CACNA1I: variants seen among roughly 807,000 people sequenced by gnomAD.
CACNA1I encodes voltage-dependent T-type calcium channel subunit alpha-1I.
In CACNA1I, 74 loss-of-function variants were observed where a neutral mutation model predicts 201.6. That is an observed-to-expected ratio of 0.37 (90% CI 0.30 to 0.45). CACNA1I has a LOEUF of 0.45. Ranked by LOEUF, CACNA1I falls within the 20% of genes least tolerant of loss-of-function variation. CACNA1I has a pLI of 1.00. For synonymous variants in CACNA1I, 1,431 were observed against 1,345.2 expected, an observed-to-expected ratio of 1.06 and a Z score of -1.40; for missense variants, 2,346 against 3,138.1, an observed-to-expected ratio of 0.75 and a Z score of 6.03.
Position 39,682,552 on chromosome 22 carries a change from C to G in CACNA1I, c.5721C>G (p.Phe1907Leu). ...MRVGDLGECF[F>L]PLSSTAVSPD... is the part of the protein sequence containing the mutation. ...TGGGAGACCTGGGCGAATGCTTCTT[C>G]CCCTTGTCCTCTACGGCCGTCTCGC... is the stretch of plus-strand genomic sequence containing the variant. The change falls in exon 35 of 37, where the codon TTC becomes TTG. Residue 1907 changes from phenylalanine (F) to leucine (L), a missense_variant. Phe to Leu is a conservative substitution (Grantham distance 22, BLOSUM62 0). Transcript: ENST00000402142. 1 of 1,613,808 alleles carries G rather than the reference C, an allele frequency of 6.2e-7. No individual in the cohort carries two copies. The highest frequency in any genetic ancestry group is 2.2e-5 in the East Asian group (1 of 44,870).
chr22:39,597,008 C>G (rs1329438518), intron 1 of CACNA1I, among the ~76,000 whole-genome samples: 1 of 152,174 alleles, frequency 6.6e-6, no homozygotes, highest in Non-Finnish European at 1.5e-5. Flanking sequence ...AGAACCTACT[C>G]CCGACTCCAG....
At chr22:39,597,726 C>A (rs1932922783) in intron 1 of CACNA1I, among the ~76,000 whole-genome samples, 2 of 152,320 alleles carry the variant, frequency 1.3e-5, no homozygotes, top group Middle Eastern at 3.4e-3. Context: ...CAGACCCAGA[C>A]CTTGGCAGAG....
chr22:39,673,770 CAT>C (rs1406107804), intron 28 of CACNA1I, among the ~76,000 whole-genome samples, 191 bp from the exon 29 acceptor site: 3 of 152,234 alleles, frequency 2.0e-5, no homozygotes, highest in South Asian at 2.1e-4. Flanking sequence ...CTTGTGTCCA[CAT>C]GTTTTTGTGC....
intron 23 of CACNA1I, 22 bp from the exon 24 acceptor site, chr22:39,668,270 T>A: frequency 6.5e-7 from 1 of 1,537,114 alleles, no homozygotes; most frequent in Non-Finnish European, 9.0e-7. Flanking sequence ...ACCCCTGCAT[T>A]CCGCCTCCCC....
Position 39,646,795 on chromosome 22 carries a change from C to A in CACNA1I, c.1376C>A (p.Ala459Asp), listed in dbSNP as rs1406751524. The change falls in exon 8 of 37, where the codon GCC becomes GAC. Residue 459 changes from alanine (A) to aspartate (D), a missense_variant. Physicochemically the swap from Ala to Asp is moderately radical, Grantham distance 126. Transcript: ENST00000402142. ...CGCCGCGCCCTGGGCCTCTACCAGG[C>A]CCTGCAGAGCCGGCGCCAGGCCCTG... Reference protein sequence around the residue: ...AKRRALGLYQALQSRRQALGP... With the variant: ...AKRRALGLYQDLQSRRQALGP... 6.4e-7 allele frequency: 1 copy of A among 1,561,330 alleles called. No individual in the cohort carries two copies. The highest frequency in any genetic ancestry group is 1.9e-5 in the Admixed American group (1 of 52,662).
chr22:39,678,039 G>A lies in CACNA1I; in HGVS notation c.4986G>A (p.Glu1662=). The part of the protein sequence containing the change: ...CEGMSRHATF[E]NFGMAFLTLF... ...GCATGAGCCGGCATGCCACCTTCGA[G>A]AACTTCGGCATGGCCTTCCTCACAC... The change falls in exon 31 of 37, where the codon GAG becomes GAA. Residue 1662 remains glutamate, a synonymous_variant. Coordinates refer to ENST00000402142, the MANE Select transcript of CACNA1I (RefSeq NM_021096.4). 1 of 1,606,144 alleles carries A rather than the reference G, an allele frequency of 6.2e-7. No homozygotes were observed. Among genetic ancestry groups the A allele is most frequent in the Non-Finnish European group, 8.5e-7 (1 of 1,176,522 alleles).
Position 39,648,453 on chromosome 22 carries a change from G to A in CACNA1I, c.1567+527G>A, listed in dbSNP as rs553362891. The stretch of plus-strand genomic sequence containing the variant: ...GGGCCTCCCCTCTGCCCTGGAAAAC[G>A]AGAGTTGGCTGTCGCCCCACGTCCA... On this transcript the variant is annotated intron_variant, in intron 9 of 36. Coordinates refer to ENST00000402142, the MANE Select transcript of CACNA1I (RefSeq NM_021096.4). The surrounding 1 kb of genome is among the most constrained non-coding windows in gnomAD (Gnocchi z 5.4). Among the ~76,000 whole-genome samples, 6 of 152,230 alleles carry A rather than the reference G, an allele frequency of 3.9e-5. No homozygotes were observed. The highest frequency in any genetic ancestry group is 2.1e-4 in the South Asian group (1 of 4,826).
Position 39,679,169 on chromosome 22 carries a change from G to A in CACNA1I, c.5118G>A (p.Ser1706=), listed in dbSNP as rs367902739. The change falls in exon 32 of 37, where the codon TCG becomes TCA. Residue 1706 remains serine, a synonymous_variant. Transcript: ENST00000402142. ...GCCTGAGCAGCCTGCAGTTTGTGTC[G>A]CCGCTGTACTTCGTGAGCTTCGTGC... ...RSCLSSLQFV[S]PLYFVSFVLT... The A allele has an allele frequency of 1.2e-5, 19 of 1,591,674 alleles. No individual in the cohort carries two copies. Among genetic ancestry groups the A allele is most frequent in the Admixed American group, 7.0e-5 (4 of 57,086 alleles).
intron 1 of CACNA1I, among the ~76,000 whole-genome samples, chr22:39,588,144 T>TTTTTTTTTTTA (rs1932778982): frequency 7.4e-6 from 1 of 134,914 alleles, no homozygotes; most frequent in Non-Finnish European, 1.6e-5. Flanking sequence ...TTTTTTTTTT[T>TTTTTTTTTTTA]TTTTTTGAGA....
At chr22:39,622,975 G>A (rs998870910) in intron 4 of CACNA1I, among the ~76,000 whole-genome samples, 1 of 152,218 alleles carries the variant, frequency 6.6e-6, no homozygotes, top group Non-Finnish European at 1.5e-5. Context: ...GTGTGTGCAC[G>A]TTGCAGAGGG....
rs1348216222 is a variant in CACNA1I, at chr22:39,629,376, C to T, written c.581-5189C>T. ...GGCTCCAGGCCCCAAACCTTGGAGT[C>T]GTCCCCAACTGCCCTCTTCCTCCTA... On this transcript the variant is annotated intron_variant, in intron 4 of 36. Coordinates refer to ENST00000402142, the MANE Select transcript of CACNA1I (RefSeq NM_021096.4). This position sits in a 1 kb window ranked among gnomAD's most constrained non-coding sequence, Gnocchi z 4.8. 1.3e-5 allele frequency among the ~76,000 whole-genome samples: 2 copies of T among 152,016 alleles called. No homozygotes were observed. The highest frequency in any genetic ancestry group is 2.4e-5 in the African/African-American group (1 of 41,396).
chr22:39,655,990 C>A (rs1248870190), intron 10 of CACNA1I, among the ~76,000 whole-genome samples: 1 of 152,160 alleles, frequency 6.6e-6, no homozygotes, highest in African/African-American at 2.4e-5. Context: ...TTCATCTCCG[C>A]GGACATCGCT....
chr22:39,620,950 G>A (rs1933726273), intron 4 of CACNA1I, among the ~76,000 whole-genome samples: 1 of 152,068 alleles, frequency 6.6e-6, no homozygotes, highest in Non-Finnish European at 1.5e-5. Context: ...TAGGGATGAG[G>A]TTTCACCATA....
chr22:39,606,366 A>T (rs1242258042), intron 3 of CACNA1I, among the ~76,000 whole-genome samples: 1 of 152,160 alleles, frequency 6.6e-6, no homozygotes, highest in Non-Finnish European at 1.5e-5. Flanking sequence ...TGTTGAGTTC[A>T]TCTCACCGTG....
rs145057249 is a variant in CACNA1I at position 39,659,131 on chromosome 22, C to G, written c.2330+15C>G. On this transcript the variant is annotated intron_variant, in intron 12 of 36. Coordinates refer to ENST00000402142, the MANE Select transcript of CACNA1I (RefSeq NM_021096.4). This position sits in a 1 kb window ranked among gnomAD's most constrained non-coding sequence, Gnocchi z 4.3. ...TTCATCTTCAGGTGAGCCTGCCCTG[C>G]TGGGGGCCATACCTCAGCACCTGCT... is the stretch of plus-strand genomic sequence containing the variant. 206 of 1,611,030 alleles carry G rather than the reference C, an allele frequency of 1.3e-4. No individual in the cohort carries two copies. The African/African-American group carries it at 2.5e-3, about 20-fold the overall frequency.
intron 3 of CACNA1I, among the ~76,000 whole-genome samples, chr22:39,601,358 C>A (rs1225454361): frequency 6.6e-6 from 1 of 152,250 alleles, no homozygotes; most frequent in Non-Finnish European, 1.5e-5. Context: ...TGCCTTCACA[C>A]ACGGGGACCA....
chr22:39,581,076 G>A (rs1242895669), intron 1 of CACNA1I, among the ~76,000 whole-genome samples: 1 of 152,258 alleles, frequency 6.6e-6, no homozygotes, highest in Non-Finnish European at 1.5e-5. Context: ...GTGGAGCCTA[G>A]GCTGGGTAGA....
intron 1 of CACNA1I, chr22:39,587,679 G>A: frequency 6.8e-6 from 3 of 441,396 alleles, no homozygotes; most frequent in Admixed American, 5.0e-5. Context: ...CAGAGATGAT[G>A]CCCATTCCTG....
chr22:39,660,302 G>T, intron 14 of CACNA1I, 42 bp from the exon 15 acceptor site: 1 of 1,498,316 alleles, frequency 6.7e-7, no homozygotes, highest in Non-Finnish European at 9.2e-7. Context: ...GAAGGGAGGA[G>T]CTGGACTGAC....
Sources: gnomAD v4.1 joint callset for allele counts (sites outside exome capture counted in the v4.1 genomes callset) on GRCh38, gnomAD v4.1.1 for gene constraint, Gnocchi (gnomAD v3.1) non-coding constraint, MANE v1.5 for transcripts, NCBI Gene and HGNC (gene_info 2026-07-23, HGNC 2026-07-21) for gene names.